The following CNOT6 variants were observed in gnomAD, a reference collection of about 807,000 sequenced individuals.
CNOT6 encodes CCR4-NOT transcription complex subunit 6.
Under a neutral mutation model 61.2 loss-of-function variants are expected in CNOT6, and 12 were observed. The ratio of observed to expected loss-of-function variants is 0.20; its 90% CI spans 0.13 to 0.32. The LOEUF (loss-of-function observed/expected upper bound fraction) is 0.32. CNOT6 is among the 10% of genes least tolerant of loss of function. The pLI is 1.00. For synonymous variants in CNOT6, 225 were observed against 240.6 expected, an observed-to-expected ratio of 0.94 and a Z score of 0.60; for missense variants, 405 against 663.9, an observed-to-expected ratio of 0.61 and a Z score of 4.28.
At chr5:180,553,552 G>T in intron 4 of CNOT6, 81 bp downstream of exon 4, 2 of 1,041,588 alleles carry the variant, frequency 1.9e-6, no homozygotes, top group Non-Finnish European at 2.9e-6. Flanking sequence ...TTCTGCTAGG[G>T]GATTCTTTTA....
At chr5:180,552,610 C>A (rs1483679755) in intron 3 of CNOT6, among the ~76,000 whole-genome samples, 5 of 150,052 alleles carry the variant, frequency 3.3e-5, no homozygotes, top group Non-Finnish European at 5.9e-5. Context: ...CGCATCACTG[C>A]ACTCCAGCCT....
chr5:180,539,376 CT>C (rs1758895821), intron 2 of CNOT6, among the ~76,000 whole-genome samples: 1 of 150,568 alleles, frequency 6.6e-6, no homozygotes, highest in Non-Finnish European at 1.5e-5. Context: ...TTTAGTTTTC[CT>C]TTACTGAGCT....
chr5:180,554,877 G>A (rs1027554616), intron 4 of CNOT6, among the ~76,000 whole-genome samples: 15 of 152,084 alleles, frequency 9.9e-5, no homozygotes, highest in African/African-American at 3.1e-4. Flanking sequence ...TCCTCATGGC[G>A]GAGGTATGTT....
chr5:180,516,162 A>C (rs906451959), intron 1 of CNOT6, among the ~76,000 whole-genome samples: 1 of 149,822 alleles, frequency 6.7e-6, no homozygotes, highest in Non-Finnish European at 1.5e-5. Context: ...AGGCCTCCCA[A>C]AGAGCTGGGA....
At chr5:180,561,582 A>G (rs1259951798) in intron 4 of CNOT6, among the ~76,000 whole-genome samples, 1 of 152,072 alleles carries the variant, frequency 6.6e-6, no homozygotes, top group Non-Finnish European at 1.5e-5. Flanking sequence ...ATGAAACTCT[A>G]GATCTTGTTT....
intron 10 of CNOT6, 52 bp from the exon 11 acceptor site, chr5:180,571,178 A>T: frequency 7.8e-7 from 1 of 1,277,034 alleles, no homozygotes. Context: ...ATGATCTTTT[A>T]AAATTACTTT....
chr5:180,563,317 G>A (rs920994913), intron 4 of CNOT6, among the ~76,000 whole-genome samples: 4 of 151,392 alleles, frequency 2.6e-5, no homozygotes, highest in Admixed American at 2.0e-4. Flanking sequence ...CCAGGTTCAC[G>A]CCATTCTCCT....
intron 1 of CNOT6, among the ~76,000 whole-genome samples, chr5:180,505,534 G>A (rs573809923): frequency 4.8e-5 from 7 of 144,492 alleles, no homozygotes; most frequent in Non-Finnish European, 7.5e-5. Flanking sequence ...GGGATTACAG[G>A]TGGTACTAGT....
chr5:180,519,766 C>CTTTT (rs58209260), intron 1 of CNOT6, among the ~76,000 whole-genome samples: 1 of 138,868 alleles, frequency 7.2e-6, no homozygotes. Flanking sequence ...TTAATCGATT[C>CTTTT]TTTTTTTTTT....
Position 180,552,514 on chromosome 5 carries a change from C to G in CNOT6, c.300-872C>G, listed in dbSNP as rs996362461. 3.3e-5 allele frequency among the ~76,000 whole-genome samples: 5 copies of G among 151,870 alleles called. No homozygotes were observed. The South Asian group carries it at 1.0e-3, about 32-fold the overall frequency. Reference sequence around the variant, plus strand: ...AAAAAAAATTAGCTGGGTGTGGTGGCAGGCACCTGTAGTCCCAGTTACTCG... The same window carrying G: ...AAAAAAAATTAGCTGGGTGTGGTGGGAGGCACCTGTAGTCCCAGTTACTCG... On this transcript the variant is annotated intron_variant, in intron 3 of 11. Coordinates refer to ENST00000261951, the MANE Select transcript of CNOT6 (RefSeq NM_001370472.1).
intron 2 of CNOT6, among the ~76,000 whole-genome samples, chr5:180,545,293 T>A (rs1318494087): frequency 2.0e-5 from 3 of 152,216 alleles, no homozygotes; most frequent in East Asian, 1.9e-4. Flanking sequence ...TTTGTGATCC[T>A]TCCTTCCCCA....
rs1426898766 is a variant in CNOT6, at chr5:180,576,186, A to AT, written c.*1991dup. 1.1e-4 allele frequency: 17 copies of AT among 152,264 alleles called. No homozygotes were observed. The highest frequency in any genetic ancestry group is 3.9e-4 in the Admixed American group (6 of 15,244). 9.4% of individuals were successfully genotyped at this position (152,264 alleles called of 1,614,324 possible). On this transcript the variant is annotated 3_prime_UTR_variant, in exon 12 of 12. Transcript: ENST00000261951. ...GTGTGAATAAAAGGTATGTTTACTCATTTTTCCTGAACACTGTGTTGGTAA... is the reference window on the plus strand; with the variant it reads ...GTGTGAATAAAAGGTATGTTTACTCATTTTTTCCTGAACACTGTGTTGGTAA...
chr5:180,550,437 G>A (rs1028199991), intron 3 of CNOT6, among the ~76,000 whole-genome samples: 10 of 151,996 alleles, frequency 6.6e-5, no homozygotes, highest in South Asian at 2.1e-4. Flanking sequence ...GTGACAGAGC[G>A]AGAGTCCATC....
chr5:180,547,933 C>T (rs1423024910), intron 2 of CNOT6, among the ~76,000 whole-genome samples: 1 of 152,054 alleles, frequency 6.6e-6, no homozygotes. Flanking sequence ...GGGGTTTCAC[C>T]GTGTTGGCCA....
rs1185693180 is a variant in CNOT6 at position 180,567,985 on chromosome 5, G to T, written c.1009G>T (p.Glu337Ter). The change falls in exon 9 of 12, where the codon GAA (glutamate) becomes TAA (stop). Residue 337 changes from glutamate (E) to a stop codon, truncating the protein, a stop_gained. Coordinates refer to ENST00000261951, the MANE Select transcript of CNOT6 (RefSeq NM_001370472.1). LOFTEE classifies it high-confidence loss of function. ...GVAVLLELRK[E>*]SIEMPSGKPH... is the part of the protein sequence containing the mutation. ...TGCAGTACTGCTAGAACTTCGGAAG[G>T]AATCGATTGAAATGCCGTGTGAGTG... 6.2e-7 allele frequency: 1 copy of T among 1,607,434 alleles called. No homozygotes were observed. The highest frequency in any genetic ancestry group is 8.5e-7 in the Non-Finnish European group (1 of 1,174,802).
intron 3 of CNOT6, among the ~76,000 whole-genome samples, chr5:180,550,944 G>A (rs1228963970): frequency 6.6e-6 from 1 of 152,162 alleles, no homozygotes; most frequent in Non-Finnish European, 1.5e-5. Context: ...TGCCATTTAT[G>A]AGTTGTGTGA....
intron 1 of CNOT6, among the ~76,000 whole-genome samples, chr5:180,516,790 T>C (rs72811161): frequency 0.019 from 2,882 of 152,346 alleles, 38 homozygotes; most frequent in Non-Finnish European, 0.027. Flanking sequence ...AAATCTAGAA[T>C]AGTGCTGACA....
chr5:180,502,078 A>G (rs190525323), intron 1 of CNOT6, among the ~76,000 whole-genome samples: 201 of 152,350 alleles, frequency 1.3e-3, no homozygotes, highest in Non-Finnish European at 2.1e-3. Context: ...AATAGTTTAA[A>G]GAGGAGACAG....
intron 1 of CNOT6, among the ~76,000 whole-genome samples, chr5:180,522,926 C>A (rs1296581753): frequency 1.3e-5 from 2 of 152,212 alleles, no homozygotes; most frequent in Non-Finnish European, 2.9e-5. Flanking sequence ...GTGAGCCGTT[C>A]TAACAAATTA....
Sources: gnomAD v4.1 joint callset for allele counts (sites outside exome capture counted in the v4.1 genomes callset) on GRCh38, gnomAD v4.1.1 for gene constraint, MANE v1.5 for transcripts, NCBI Gene and HGNC (gene_info 2026-07-23, HGNC 2026-07-21) for gene names.